ADAM2: variants seen among roughly 807,000 people sequenced by gnomAD.
ADAM2 encodes the protein ADAM metallopeptidase domain 2, also known as disintegrin and metalloproteinase domain-containing protein 2.
A neutral mutation model predicts 99.3 loss-of-function variants in ADAM2; 101 were observed. The observed-to-expected ratio is 1.02, with a 90% confidence interval of 0.87 to 1.20. ADAM2 has a LOEUF of 1.20. ADAM2 is among the 50% of genes most tolerant of loss of function. ADAM2 has a pLI of 0.00. For missense variants in ADAM2, 948 were observed against 878.7 expected (o/e 1.08, Z -1.00); for synonymous variants, 323 against 287.6 (o/e 1.12, Z -1.25).
rs1057233730 is a variant in ADAM2 at position 39,821,255 on chromosome 8, G to A, written c.345-85C>T. Reference sequence around the variant, plus strand: ...ATGCCACTTAGCATTATTTTTTCATGGTATGCAGATTATTTTTAGCCTGAA... The same window carrying A: ...ATGCCACTTAGCATTATTTTTTCATAGTATGCAGATTATTTTTAGCCTGAA... On this transcript the variant is annotated intron_variant, in intron 5 of 20. Transcript: ENST00000265708. 3.2e-6 allele frequency: 3 copies of A among 942,996 alleles called. No individual in the cohort carries two copies. The African/African-American group carries it at 5.0e-5, about 16-fold the overall frequency. 58.4% of individuals were successfully genotyped at this position (942,996 alleles called of 1,614,324 possible).
At chr8:39,811,641 G>A (rs144723658) in intron 6 of ADAM2, among the ~76,000 whole-genome samples, 4,056 of 152,158 alleles carry the variant, frequency 0.027, 85 homozygotes, top group Non-Finnish European at 0.04. Context: ...ATCAATAAAC[G>A]TAATCCAGCA....
intron 14 of ADAM2, among the ~76,000 whole-genome samples, chr8:39,761,571 C>G (rs1802371998): frequency 6.6e-6 from 1 of 152,142 alleles, no homozygotes; most frequent in Non-Finnish European, 1.5e-5. Flanking sequence ...AAATGCATAT[C>G]TATTAGTACG....
intron 11 of ADAM2, among the ~76,000 whole-genome samples, chr8:39,771,884 G>T (rs904210645): frequency 1.3e-5 from 2 of 151,964 alleles, no homozygotes; most frequent in African/African-American, 4.8e-5. Flanking sequence ...TGTGTGAACT[G>T]GTTTATAGAG....
chr8:39,821,855 G>T (rs887228464), intron 4 of ADAM2, among the ~76,000 whole-genome samples, 193 bp from the exon 5 acceptor site: 1 of 152,066 alleles, frequency 6.6e-6, no homozygotes, highest in African/African-American at 2.4e-5. Flanking sequence ...TAAAAAATGA[G>T]TATATTTTCA....
intron 7 of ADAM2, among the ~76,000 whole-genome samples, chr8:39,790,976 C>T (rs1803686679): frequency 6.6e-6 from 1 of 151,814 alleles, no homozygotes; most frequent in Non-Finnish European, 1.5e-5. Flanking sequence ...GTGCTCCCCA[C>T]TTGAAAATCC....
At position 39,788,297 on chromosome 8, in the gene ADAM2, T is replaced by G; in HGVS notation, c.643-46A>C. On this transcript the variant is annotated intron_variant, in intron 8 of 20. Coordinates refer to ENST00000265708, the MANE Select transcript of ADAM2 (RefSeq NM_001464.5). Reference sequence around the variant, plus strand: ...AAGTGTGCTCAAAAGTCACAGTTTTTAAAAATTAGATATATATGTTTGAAA... The same window carrying G: ...AAGTGTGCTCAAAAGTCACAGTTTTGAAAAATTAGATATATATGTTTGAAA... 4 of 1,252,810 alleles carry G rather than the reference T, an allele frequency of 3.2e-6. No individual in the cohort carries two copies. In the South Asian group the frequency reaches 7.0e-5, roughly 22 times the overall value. The allele number at this position is 1,252,810 out of a possible 1,614,324, so 77.6% of individuals were successfully genotyped here. A position where few individuals can be genotyped will look rare whatever the true frequency, so the allele number is the denominator to read the frequency against.
intron 7 of ADAM2, among the ~76,000 whole-genome samples, chr8:39,804,940 C>T (rs536291766): frequency 6.6e-6 from 1 of 152,174 alleles, no homozygotes. Flanking sequence ...TGTCTTAGTC[C>T]ATTCAGGCTG....
chr8:39,833,291 G>A (rs1209185358), intron 3 of ADAM2, among the ~76,000 whole-genome samples: 2 of 152,008 alleles, frequency 1.3e-5, no homozygotes, highest in Non-Finnish European at 2.9e-5. Flanking sequence ...TAAAAAGAGT[G>A]CAGCTATGAA....
At chr8:39,789,867 CAT>C (rs1270836307) in intron 7 of ADAM2, among the ~76,000 whole-genome samples, 6 of 151,692 alleles carry the variant, frequency 4.0e-5, no homozygotes, top group Middle Eastern at 3.4e-3. Flanking sequence ...CTAATTAAAA[CAT>C]GTGCAAATAA....
rs755047640 is a variant in ADAM2, at chr8:39,838,197, C to T, written c.-12G>A. On this transcript the variant is annotated 5_prime_UTR_variant, in exon 1 of 21. Coordinates refer to ENST00000265708, the MANE Select transcript of ADAM2 (RefSeq NM_001464.5). ...AAGACGCGCCACATGGCTTGAAGTC[C>T]TGGGTCCCAGCCGGAATAATGGCAG... is the stretch of plus-strand genomic sequence containing the variant. 1 of 1,614,150 alleles carries T rather than the reference C, an allele frequency of 6.2e-7. No homozygotes were observed. The highest frequency in any genetic ancestry group is 1.3e-5 in the African/African-American group (1 of 75,044).
intron 3 of ADAM2, among the ~76,000 whole-genome samples, chr8:39,828,145 C>T (rs564341186): frequency 1.3e-5 from 2 of 151,522 alleles, no homozygotes; most frequent in South Asian, 4.2e-4. Flanking sequence ...GATAGAAGCA[C>T]AGAAATGTAG....
chr8:39,825,226 A>T (rs1805350895), intron 3 of ADAM2, among the ~76,000 whole-genome samples: 1 of 152,128 alleles, frequency 6.6e-6, no homozygotes, highest in Non-Finnish European at 1.5e-5. Flanking sequence ...CTTATACATC[A>T]ACTTCCCACT....
At chr8:39,800,110 T>A (rs964895181) in intron 7 of ADAM2, among the ~76,000 whole-genome samples, 3 of 152,230 alleles carry the variant, frequency 2.0e-5, no homozygotes, top group African/African-American at 7.2e-5. Context: ...ATGCAGTTTC[T>A]TTGTAGTGCC....
intron 3 of ADAM2, among the ~76,000 whole-genome samples, chr8:39,827,205 T>C (rs965305325): frequency 2.0e-5 from 3 of 152,096 alleles, no homozygotes; most frequent in Admixed American, 1.3e-4. Context: ...TCCTGTTTGA[T>C]TGGCTATTAT....
chr8:39,797,851 T>C (rs565244131), intron 7 of ADAM2, among the ~76,000 whole-genome samples: 2 of 152,228 alleles, frequency 1.3e-5, no homozygotes, highest in Non-Finnish European at 2.9e-5. Context: ...TTGCCTATTG[T>C]TGGTATAAAG....
intron 7 of ADAM2, among the ~76,000 whole-genome samples, chr8:39,790,864 A>T (rs1291541666): frequency 6.6e-6 from 1 of 151,900 alleles, no homozygotes; most frequent in African/African-American, 2.4e-5. Flanking sequence ...GATTAAATGT[A>T]ATATTTTAAT....
chr8:39,800,866 AG>A (rs1225622696), intron 7 of ADAM2, among the ~76,000 whole-genome samples: 1 of 152,122 alleles, frequency 6.6e-6, no homozygotes, highest in Admixed American at 6.5e-5. Context: ...TGTGTTTTTC[AG>A]CTCCATCAGA....
chr8:39,802,983 C>G (rs181100917), intron 7 of ADAM2, among the ~76,000 whole-genome samples: 4 of 152,272 alleles, frequency 2.6e-5, no homozygotes, highest in Admixed American at 2.0e-4. Flanking sequence ...CTAGTAATCT[C>G]CGGAGTGCAC....
chr8:39,757,618 G>C (rs1802198664), intron 15 of ADAM2, among the ~76,000 whole-genome samples: 1 of 151,996 alleles, frequency 6.6e-6, no homozygotes, highest in African/African-American at 2.4e-5. Context: ...AGAATCCAGG[G>C]AGCACATAAA....
Sources: allele counts gnomAD v4.1 joint callset (sites outside exome capture counted in the v4.1 genomes callset), GRCh38; gene constraint gnomAD v4.1.1; transcripts MANE v1.5; gene names NCBI Gene and HGNC (gene_info 2026-07-23, HGNC 2026-07-21).